Variants in SPOCK3 observed in about 807,000 individuals in gnomAD.
SPOCK3 encodes testican-3.
A neutral mutation model predicts 56.6 loss-of-function variants in SPOCK3; 30 were observed. The observed-to-expected ratio is 0.53, with a 90% CI of 0.40 to 0.72. The LOEUF (loss-of-function observed/expected upper bound fraction) is 0.72, where lower values mean the gene tolerates loss of function less well. Among genes scored for constraint, SPOCK3 ranks in the 30% least tolerant of loss-of-function variants. SPOCK3 has a pLI of 0.00. For synonymous variants in SPOCK3, 196 were observed against 183.3 expected (o/e 1.07, Z -0.56); for missense variants, 527 against 530.0 (o/e 0.99, Z 0.06).
chr4:166,777,415 C>T (rs1739681204), intron 7 of SPOCK3, among the ~76,000 whole-genome samples: 1 of 152,084 alleles, frequency 6.6e-6, no homozygotes, highest in South Asian at 2.1e-4. Flanking sequence ...GAGTCACGTA[C>T]TTGATATTGG....
chr4:167,142,270 G>A (rs998466921), intron 2 of SPOCK3, among the ~76,000 whole-genome samples: 1 of 151,880 alleles, frequency 6.6e-6, no homozygotes, highest in Non-Finnish European at 1.5e-5. Flanking sequence ...AGTCAAGGAT[G>A]TCTCTAAAAT....
intron 2 of SPOCK3, among the ~76,000 whole-genome samples, chr4:167,110,362 T>C (rs1486678617): frequency 3.3e-5 from 5 of 152,182 alleles, no homozygotes; most frequent in South Asian, 2.1e-4. Context: ...CTCACCACCA[T>C]ATGTACATTT....
intron 8 of SPOCK3, among the ~76,000 whole-genome samples, chr4:166,748,641 C>A (rs1735961497): frequency 1.5e-5 from 2 of 137,216 alleles, no homozygotes; most frequent in South Asian, 4.4e-4. Context: ...CAAATGGGAT[C>A]TAATTAAACT....
chr4:167,120,032 T>C (rs1051953231), intron 2 of SPOCK3, among the ~76,000 whole-genome samples: 1 of 152,128 alleles, frequency 6.6e-6, no homozygotes, highest in Admixed American at 6.5e-5. Flanking sequence ...ATTACATACA[T>C]GGTAGATTTT....
chr4:167,083,034 T>TA (rs1757863759), intron 2 of SPOCK3, among the ~76,000 whole-genome samples: 1 of 152,056 alleles, frequency 6.6e-6, no homozygotes, highest in African/African-American at 2.4e-5. Context: ...TTAACAATCT[T>TA]AAAGAACATT....
chr4:167,156,923 T>C (rs529094684), intron 2 of SPOCK3, among the ~76,000 whole-genome samples: 8 of 152,286 alleles, frequency 5.3e-5, no homozygotes, highest in South Asian at 4.1e-4. Context: ...AAAGGGCTCA[T>C]TGAAAATATT....
intron 8 of SPOCK3, among the ~76,000 whole-genome samples, chr4:166,747,948 A>T (rs144465979): frequency 0.33 from 49,703 of 151,996 alleles, 8,327 homozygotes; most frequent in Admixed American, 0.42. Context: ...GGACCTCTTC[A>T]AGGAGAACTA....
At chr4:167,157,364 A>T (rs72975541) in intron 2 of SPOCK3, among the ~76,000 whole-genome samples, 1,546 of 152,050 alleles carry the variant, frequency 0.01, 23 homozygotes, top group African/African-American at 0.035. Flanking sequence ...GCAATTTACA[A>T]TTTTTTTGGT....
At chr4:167,025,479 A>T (rs1751614679) in intron 3 of SPOCK3, among the ~76,000 whole-genome samples, 1 of 152,054 alleles carries the variant, frequency 6.6e-6, no homozygotes, top group African/African-American at 2.4e-5. Flanking sequence ...TTTAATATGG[A>T]TTTAACTTAG....
chr4:166,752,653 T>C lies in SPOCK3; in HGVS notation c.931+1855A>G, dbSNP rs190089460. Among the ~76,000 whole-genome samples the C allele has an allele frequency of 1.1e-3, 165 of 151,412 alleles. 2 individuals are homozygous for C. The highest frequency in any genetic ancestry group is 1.8e-3 in the Non-Finnish European group (124 of 67,838). Reference sequence around the variant, plus strand: ...ACAGTAAACAAGAATTTCAGGAAAATATTCTTTTATAAGCTGGAATATTTG... The same window carrying C: ...ACAGTAAACAAGAATTTCAGGAAAACATTCTTTTATAAGCTGGAATATTTG... On this transcript the variant is annotated intron_variant, in intron 8 of 10. Coordinates refer to ENST00000357545, the MANE Select transcript of SPOCK3 (RefSeq NM_001040159.2).
intron 4 of SPOCK3, among the ~76,000 whole-genome samples, chr4:166,948,003 C>T (rs1462610222): frequency 2.6e-5 from 4 of 152,088 alleles, no homozygotes; most frequent in African/African-American, 9.7e-5. Context: ...TATTCTCTAA[C>T]CTCTCCCCAT....
At chr4:167,120,400 A>G (rs1761769551) in intron 2 of SPOCK3, among the ~76,000 whole-genome samples, 1 of 152,070 alleles carries the variant, frequency 6.6e-6, no homozygotes, top group African/African-American at 2.4e-5. Context: ...ATAATTTTAG[A>G]CATTATAGTT....
At chr4:166,888,502 T>C (rs1252722061) in intron 6 of SPOCK3, among the ~76,000 whole-genome samples, 2 of 152,024 alleles carry the variant, frequency 1.3e-5, no homozygotes, top group Non-Finnish European at 2.9e-5. Context: ...ATTTCAAATA[T>C]AATAATGATA....
At chr4:167,083,483 T>G (rs924107304) in intron 2 of SPOCK3, among the ~76,000 whole-genome samples, 3 of 152,126 alleles carry the variant, frequency 2.0e-5, no homozygotes, top group African/African-American at 7.2e-5. Context: ...ACCTGGTATC[T>G]CCATGCAGAC....
intron 7 of SPOCK3, among the ~76,000 whole-genome samples, chr4:166,780,592 T>C (rs938801911): frequency 2.6e-5 from 4 of 152,064 alleles, no homozygotes; most frequent in Non-Finnish European, 5.9e-5. Flanking sequence ...TGAGGATCCC[T>C]TGCACCAAAG....
chr4:167,195,112 G>A (rs926894623), intron 2 of SPOCK3, among the ~76,000 whole-genome samples: 5 of 152,266 alleles, frequency 3.3e-5, no homozygotes, highest in South Asian at 4.1e-4. Flanking sequence ...AAGCAGAGTT[G>A]CAGACAGGTT....
In SPOCK3 at chr4:167,139,830, G is replaced by A. The variant is rs1763390412; in HGVS notation, c.190-77293C>T. ...AGATTAGTACTCTAACTTAGCTGTGGTAATTACCTTACTCTAGCCAATTTT... is the reference window on the plus strand; with the variant it reads ...AGATTAGTACTCTAACTTAGCTGTGATAATTACCTTACTCTAGCCAATTTT... On this transcript the variant is annotated intron_variant, in intron 2 of 10. Coordinates refer to ENST00000357545, the MANE Select transcript of SPOCK3 (RefSeq NM_001040159.2). Among the ~76,000 whole-genome samples the A allele has an allele frequency of 2.0e-5, 3 of 151,954 alleles. No individual in the cohort carries two copies. The South Asian group carries it at 6.2e-4, about 32-fold the overall frequency.
chr4:167,099,458 ATAACT>A (rs1442390570), intron 2 of SPOCK3, among the ~76,000 whole-genome samples: 2 of 152,014 alleles, frequency 1.3e-5, no homozygotes, highest in African/African-American at 4.8e-5. Context: ...CATGTGACAA[ATAACT>A]TAGATCAGAG....
intron 7 of SPOCK3, among the ~76,000 whole-genome samples, chr4:166,755,644 TG>T (rs1736972299): frequency 6.6e-6 from 1 of 152,076 alleles, no homozygotes; most frequent in Non-Finnish European, 1.5e-5. Context: ...GTTATTTGCA[TG>T]GAAAAGAGGA....
Sources: gnomAD v4.1 joint callset for allele counts (sites outside exome capture counted in the v4.1 genomes callset) on GRCh38, gnomAD v4.1.1 for gene constraint, MANE v1.5 for transcripts, NCBI Gene and HGNC (gene_info 2026-07-23, HGNC 2026-07-21) for gene names.